Variants in ADD1 observed in about 807,000 individuals in gnomAD.
ADD1 encodes adducin 1.
ADD1 carries 24 observed loss-of-function variants against 80.5 expected under a neutral mutation model. The observed-to-expected ratio is 0.30, with a 90% CI of 0.22 to 0.42. ADD1 has a LOEUF of 0.42. Among genes scored for constraint, ADD1 ranks in the 10% least tolerant of loss-of-function variants. ADD1 has a pLI of 1.00. For missense variants in ADD1, 948 were observed against 1,019.0 expected, an observed-to-expected ratio of 0.93 and a Z score of 0.95; for synonymous variants, 373 against 393.8, an observed-to-expected ratio of 0.95 and a Z score of 0.63.
intron 14 of ADD1, among the ~76,000 whole-genome samples, chr4:2,915,388 C>G (rs1738821546): frequency 6.6e-6 from 1 of 152,124 alleles, no homozygotes. Context: ...CGCCTATAAT[C>G]CCAGCACTTT....
chr4:2,857,067 C>T (rs1030941296), intron 1 of ADD1, among the ~76,000 whole-genome samples: 2 of 151,882 alleles, frequency 1.3e-5, no homozygotes, highest in African/African-American at 4.8e-5. Flanking sequence ...CTCATGCCAC[C>T]ACGCCTGGCT....
At position 2,898,279 on chromosome 4, in the gene ADD1, T is replaced by G. The variant is rs144809220; in HGVS notation, c.837T>G (p.Asp279Glu). 6.2e-7 allele frequency: 1 copy of G among 1,614,172 alleles called. No homozygotes were observed. The highest frequency in any genetic ancestry group is 1.1e-5 in the South Asian group (1 of 91,086). The change falls in exon 7 of 16, where the codon GAT becomes GAG. Residue 279 changes from aspartate to glutamate, a missense_variant. Coordinates refer to ENST00000683351, the MANE Select transcript of ADD1 (RefSeq NM_001354761.2). Reference sequence around the variant, plus strand: ...ATGACTACCATGGCATTCTGGTTGATGAAGAGGAAAAAGTTTTGATTCAGA... The same window carrying G: ...ATGACTACCATGGCATTCTGGTTGAGGAAGAGGAAAAAGTTTTGATTCAGA... ...AYHDYHGILV[D>E]EEEKVLIQKN...
At chr4:2,921,364 A>G (rs1350302008) in intron 14 of ADD1, among the ~76,000 whole-genome samples, 2 of 152,146 alleles carry the variant, frequency 1.3e-5, no homozygotes, top group Non-Finnish European at 2.9e-5. Flanking sequence ...TCTTGTCCTC[A>G]TGATCTGCCC....
intron 9 of ADD1, among the ~76,000 whole-genome samples, chr4:2,903,568 C>G (rs951035786): frequency 1.3e-5 from 2 of 152,222 alleles, no homozygotes; most frequent in African/African-American, 4.8e-5. Flanking sequence ...CTGAAGCATT[C>G]TTGGCAGCTT....
chr4:2,907,920 G>A, intron 11 of ADD1, 76 bp downstream of exon 11: 3 of 1,224,394 alleles, frequency 2.5e-6, no homozygotes, highest in South Asian at 2.4e-5. Flanking sequence ...GGGGGGAGCG[G>A]GTGCTTGCTT....
intron 1 of ADD1, among the ~76,000 whole-genome samples, chr4:2,850,493 T>C (rs565518378): frequency 2.6e-3 from 396 of 152,286 alleles, no homozygotes; most frequent in Non-Finnish European, 4.3e-3. Flanking sequence ...TGGCACGATC[T>C]TGGCTCACTG....
Position 2,866,036 on chromosome 4 carries a change from T to A in ADD1, c.-20-9860T>A, listed in dbSNP as rs184666505. On this transcript the variant is annotated intron_variant, in intron 1 of 15. Coordinates refer to ENST00000683351, the MANE Select transcript of ADD1 (RefSeq NM_001354761.2). Reference sequence around the variant, plus strand: ...TTTGCTCAATTGCGAGATAGCATACTTATAAAATTATTTCTAGATTCACTC... The same window carrying A: ...TTTGCTCAATTGCGAGATAGCATACATATAAAATTATTTCTAGATTCACTC... Among the ~76,000 whole-genome samples the A allele has an allele frequency of 1.1e-3, 166 of 152,380 alleles. 1 individual carries two copies. Among genetic ancestry groups the A allele is most frequent in the Admixed American group, 3.6e-3 (55 of 15,308 alleles).
rs147906331 is a variant in ADD1, at chr4:2,881,886, A to C, written c.196-12A>C. On this transcript the variant is annotated splice_polypyrimidine_tract_variant and intron_variant, in intron 2 of 15. Coordinates refer to ENST00000683351, the MANE Select transcript of ADD1 (RefSeq NM_001354761.2). The stretch of plus-strand genomic sequence containing the variant: ...ATAAATGGTATCTCAGTGTTTTAAT[A>C]TTTTTTATTAGGCTTTCTGTGAAGA... 1.0e-5 allele frequency: 16 copies of C among 1,589,674 alleles called. No homozygotes were observed. The highest frequency in any genetic ancestry group is 1.2e-5 in the Non-Finnish European group (14 of 1,170,946).
chr4:2,885,757 C>T (rs1003300768), intron 4 of ADD1, among the ~76,000 whole-genome samples: 4 of 151,858 alleles, frequency 2.6e-5, no homozygotes, highest in Admixed American at 2.0e-4. Flanking sequence ...CTACAGGCGC[C>T]CGCCACCACG....
At position 2,929,320 on chromosome 4, in the gene ADD1, T is replaced by G. The variant is rs1026728707; in HGVS notation, c.*797T>G. 2 of 152,268 alleles carry G rather than the reference T, an allele frequency of 1.3e-5. No homozygotes were observed. The highest frequency in any genetic ancestry group is 2.4e-5 in the African/African-American group (1 of 41,454). 9.4% of individuals were successfully genotyped at this position (152,268 alleles called of 1,614,324 possible). The stretch of plus-strand genomic sequence containing the variant: ...AACGTGAATAGGCTGCTTTTTGCTT[T>G]CTTCTTTCCAGACCCCACAGTAGAG... On this transcript the variant is annotated 3_prime_UTR_variant, in exon 16 of 16. Transcript: ENST00000683351.
At chr4:2,887,121 A>G (rs1733508792) in intron 4 of ADD1, among the ~76,000 whole-genome samples, 1 of 152,254 alleles carries the variant, frequency 6.6e-6, no homozygotes, top group Non-Finnish European at 1.5e-5. Context: ...AATACCGAGT[A>G]AAAAGAAATG....
intron 1 of ADD1, among the ~76,000 whole-genome samples, chr4:2,864,915 T>G (rs1296911701): frequency 2.6e-5 from 4 of 152,180 alleles, no homozygotes; most frequent in African/African-American, 9.7e-5. Context: ...TTTTTCAAAT[T>G]TTATTATTTT....
intron 12 of ADD1, chr4:2,908,921 A>G: frequency 4.4e-6 from 2 of 457,826 alleles, no homozygotes; most frequent in South Asian, 4.7e-5. Context: ...GTAAGGCGCT[A>G]GGAGAGGGTG....
At chr4:2,863,701 C>T (rs985179719) in intron 1 of ADD1, among the ~76,000 whole-genome samples, 1 of 150,384 alleles carries the variant, frequency 6.6e-6, no homozygotes, top group Non-Finnish European at 1.5e-5. Flanking sequence ...CTCATGGTTG[C>T]CATTACTACA....
intron 2 of ADD1, among the ~76,000 whole-genome samples, chr4:2,879,315 G>A (rs1351220026): frequency 6.6e-6 from 1 of 152,104 alleles, no homozygotes; most frequent in African/African-American, 2.4e-5. Flanking sequence ...TATGCATAGG[G>A]CTCCTGTACT....
At chr4:2,863,540 A>C in intron 1 of ADD1, among the ~76,000 whole-genome samples, 1 of 152,268 alleles carries the variant, frequency 6.6e-6, no homozygotes, top group South Asian at 2.1e-4. Context: ...GCAAGAAGCA[A>C]TTTGGTGCTG....
At chr4:2,912,228 A>T (rs758738798) in intron 13 of ADD1, among the ~76,000 whole-genome samples, 4 of 152,184 alleles carry the variant, frequency 2.6e-5, no homozygotes, top group Non-Finnish European at 5.9e-5. Context: ...AGGGGAAGCT[A>T]GGCACATCTT....
At chr4:2,874,774 A>C (rs1359558897) in intron 1 of ADD1, among the ~76,000 whole-genome samples, 1 of 152,142 alleles carries the variant, frequency 6.6e-6, no homozygotes, top group Non-Finnish European at 1.5e-5. Context: ...TTTGCATAAT[A>C]AACTCTACTT....
chr4:2,915,958 C>T (rs1213794980), intron 14 of ADD1, among the ~76,000 whole-genome samples: 2 of 152,064 alleles, frequency 1.3e-5, no homozygotes, highest in African/African-American at 2.4e-5. Flanking sequence ...TCTGCCAAAA[C>T]GAGGCTGACC....
Sources: gnomAD v4.1 joint callset for allele counts (sites outside exome capture counted in the v4.1 genomes callset) on GRCh38, gnomAD v4.1.1 for gene constraint, MANE v1.5 for transcripts, NCBI Gene and HGNC (gene_info 2026-07-23, HGNC 2026-07-21) for gene names.